Variants in UNC5D observed in about 807,000 individuals in gnomAD.
UNC5D encodes netrin receptor UNC5D.
UNC5D carries 39 observed loss-of-function variants against 105.4 expected under a neutral mutation model. That is an observed-to-expected ratio of 0.37 (90% CI 0.29 to 0.48). The LOEUF (loss-of-function observed/expected upper bound fraction) is 0.48, where lower values mean the gene tolerates loss of function less well. Among genes scored for constraint, UNC5D ranks in the 20% least tolerant of loss-of-function variants. UNC5D has a pLI of 0.98. For synonymous variants in UNC5D, 452 were observed against 450.4 expected (o/e 1.00, Z -0.04); for missense variants, 991 against 1,202.4 (o/e 0.82, Z 2.60).
chr8:35,540,510 C>A (rs947571510), intron 1 of UNC5D, among the ~76,000 whole-genome samples: 3 of 148,564 alleles, frequency 2.0e-5, no homozygotes, highest in African/African-American at 5.0e-5. Context: ...ATTCTAGAAA[C>A]CTAAAAATAG....
chr8:35,539,480 A>G (rs748275576), intron 1 of UNC5D, among the ~76,000 whole-genome samples: 2 of 152,214 alleles, frequency 1.3e-5, no homozygotes, highest in Non-Finnish European at 2.9e-5. Context: ...TCAATTTAAT[A>G]TTTCATGTTC....
intron 1 of UNC5D, among the ~76,000 whole-genome samples, chr8:35,535,386 T>C (rs1814757342): frequency 6.6e-6 from 1 of 152,086 alleles, no homozygotes; most frequent in Non-Finnish European, 1.5e-5. Flanking sequence ...GATTAGGTAG[T>C]ACTAAACAGC....
chr8:35,377,159 G>A (rs987783859), intron 1 of UNC5D, among the ~76,000 whole-genome samples: 1 of 152,130 alleles, frequency 6.6e-6, no homozygotes, highest in Non-Finnish European at 1.5e-5. Flanking sequence ...AATACTCTTT[G>A]CGTGCTATAT....
At chr8:35,651,716 C>G (rs1823415084) in intron 4 of UNC5D, among the ~76,000 whole-genome samples, 1 of 152,028 alleles carries the variant, frequency 6.6e-6, no homozygotes, top group South Asian at 2.1e-4. Context: ...TAATGTATCC[C>G]CATTTAGTTT....
intron 15 of UNC5D, among the ~76,000 whole-genome samples, chr8:35,769,312 T>G (rs1434586084): frequency 6.6e-6 from 1 of 152,156 alleles, no homozygotes; most frequent in Non-Finnish European, 1.5e-5. Flanking sequence ...TCCACTACAC[T>G]ACTTCTGGAC....
chr8:35,749,417 A>G (rs893237479), intron 12 of UNC5D, among the ~76,000 whole-genome samples: 9 of 152,074 alleles, frequency 5.9e-5, no homozygotes, highest in Admixed American at 6.5e-5. Flanking sequence ...AAACTGGGAG[A>G]ATTATCTTTG....
intron 1 of UNC5D, among the ~76,000 whole-genome samples, chr8:35,306,167 T>C (rs1057136671): frequency 2.6e-5 from 4 of 151,768 alleles, no homozygotes; most frequent in Non-Finnish European, 5.9e-5. Flanking sequence ...AATAAATGAT[T>C]TGAGGTATAT....
chr8:35,780,737 T>C (rs1802466892), intron 16 of UNC5D, among the ~76,000 whole-genome samples: 1 of 152,186 alleles, frequency 6.6e-6, no homozygotes. Flanking sequence ...CTAAGCTTTC[T>C]TGGTTCTGCA....
chr8:35,500,754 T>C (rs938719023), intron 1 of UNC5D, among the ~76,000 whole-genome samples: 1 of 152,212 alleles, frequency 6.6e-6, no homozygotes, highest in Non-Finnish European at 1.5e-5. Context: ...TGATAAATGA[T>C]TGGTGATTGA....
intron 4 of UNC5D, among the ~76,000 whole-genome samples, chr8:35,673,809 C>T (rs1825003743): frequency 6.6e-6 from 1 of 152,116 alleles, no homozygotes; most frequent in Non-Finnish European, 1.5e-5. Context: ...CAAATGCTTT[C>T]CTATAAGCTC....
intron 1 of UNC5D, among the ~76,000 whole-genome samples, chr8:35,257,125 C>T (rs989846113): frequency 2.0e-5 from 3 of 152,072 alleles, no homozygotes; most frequent in South Asian, 4.2e-4. Flanking sequence ...GCACGCACCA[C>T]CACGCCCAGC....
intron 1 of UNC5D, among the ~76,000 whole-genome samples, chr8:35,510,784 C>G (rs1812651698): frequency 6.6e-6 from 1 of 152,142 alleles, no homozygotes; most frequent in South Asian, 2.1e-4. Context: ...ACAAGTGAAG[C>G]AAAAGCTCCC....
chr8:35,351,321 AG>A (rs1256063276), intron 1 of UNC5D, among the ~76,000 whole-genome samples: 1 of 152,100 alleles, frequency 6.6e-6, no homozygotes, highest in Non-Finnish European at 1.5e-5. Flanking sequence ...GTACCTTAAA[AG>A]TCAGAGGTGA....
chr8:35,533,122 T>C (rs1477287261), intron 1 of UNC5D, among the ~76,000 whole-genome samples: 5 of 151,980 alleles, frequency 3.3e-5, no homozygotes, highest in East Asian at 1.9e-4. Flanking sequence ...GGAGAGGCGC[T>C]CTGCATTTTA....
chr8:35,676,454 C>CT (rs1825228947), intron 4 of UNC5D, among the ~76,000 whole-genome samples: 3 of 152,164 alleles, frequency 2.0e-5, no homozygotes. Flanking sequence ...GAAAGATGAC[C>CT]TGTTAGCAGG....
At chr8:35,773,863 C>T (rs963942228) in intron 15 of UNC5D, among the ~76,000 whole-genome samples, 1 of 152,118 alleles carries the variant, frequency 6.6e-6, no homozygotes, top group South Asian at 2.1e-4. Context: ...GCTGTGATTA[C>T]AGGCACCTGC....
At chr8:35,653,960 A>G (rs538862410) in intron 4 of UNC5D, among the ~76,000 whole-genome samples, 51 of 152,006 alleles carry the variant, frequency 3.4e-4, no homozygotes, top group African/African-American at 1.1e-3. Flanking sequence ...TTTTTTTTTA[A>G]TAATAAGCTC....
At chr8:35,476,982 T>C (rs1237350181) in intron 1 of UNC5D, among the ~76,000 whole-genome samples, 1 of 152,232 alleles carries the variant, frequency 6.6e-6, no homozygotes, top group Non-Finnish European at 1.5e-5. Context: ...TTATTCCTTC[T>C]GTGATCATTA....
chr8:35,270,419 G>T (rs565325421), intron 1 of UNC5D, among the ~76,000 whole-genome samples: 2 of 152,130 alleles, frequency 1.3e-5, no homozygotes, highest in Non-Finnish European at 2.9e-5. Flanking sequence ...ATTCTCTCCC[G>T]ATTGTCTCAG....
Sources: gnomAD v4.1 joint callset for allele counts (sites outside exome capture counted in the v4.1 genomes callset) on GRCh38, gnomAD v4.1.1 for gene constraint, MANE v1.5 for transcripts, NCBI Gene and HGNC (gene_info 2026-07-23, HGNC 2026-07-21) for gene names.